The following SKAP1 variants were observed in gnomAD, a reference collection of about 807,000 sequenced individuals.
SKAP1 encodes the protein src kinase-associated phosphoprotein 1.
In SKAP1, 44 loss-of-function variants were observed where a neutral mutation model predicts 58.5. That is an observed-to-expected ratio of 0.75 (90% CI 0.59 to 0.97). The LOEUF is 0.97. Among genes scored for constraint, SKAP1 ranks in the 50% least tolerant of loss-of-function variants. The probability of loss-of-function intolerance (pLI) is 0.00; values close to 1 mark genes in which losing one functional copy is unlikely to be tolerated. For synonymous variants in SKAP1, 127 were observed against 149.7 expected (o/e 0.85, Z 1.11); for missense variants, 390 against 435.2 (o/e 0.90, Z 0.92).
upstream of SKAP1, among the ~76,000 whole-genome samples, chr17:48,431,229 G>C (rs529027030): frequency 6.6e-6 from 1 of 152,292 alleles, no homozygotes; most frequent in East Asian, 1.9e-4. Flanking sequence ...AGGATCACTT[G>C]AGCCCAGGAA....
At chr17:48,396,065 G>A (rs2067414468) in intron 2 of SKAP1, among the ~76,000 whole-genome samples, 1 of 152,156 alleles carries the variant, frequency 6.6e-6, no homozygotes, top group Non-Finnish European at 1.5e-5. Context: ...TCAAGCAATA[G>A]GTGGTCAGAA....
chr17:48,391,874 T>C (rs1282976301), intron 2 of SKAP1, among the ~76,000 whole-genome samples: 1 of 151,820 alleles, frequency 6.6e-6, no homozygotes, highest in Non-Finnish European at 1.5e-5. Context: ...TGAGTAAATC[T>C]TGAAACTTGT....
intron 1 of SKAP1, among the ~76,000 whole-genome samples, chr17:48,403,138 A>C (rs2067522465): frequency 6.6e-6 from 1 of 151,618 alleles, no homozygotes; most frequent in Non-Finnish European, 1.5e-5. Flanking sequence ...CCAAGGTAGG[A>C]GAACTGCTTG....
chr17:48,232,890 CA>C (rs2065140370), intron 4 of SKAP1, among the ~76,000 whole-genome samples: 1 of 152,188 alleles, frequency 6.6e-6, no homozygotes, highest in Admixed American at 6.5e-5. Flanking sequence ...TACAGAACTT[CA>C]GCCTACAAAA....
At chr17:48,371,998 A>G (rs946896947) in intron 2 of SKAP1, among the ~76,000 whole-genome samples, 2 of 152,160 alleles carry the variant, frequency 1.3e-5, no homozygotes, top group African/African-American at 2.4e-5. Flanking sequence ...TTTGAGACAG[A>G]GTCTCACTCT....
At chr17:48,203,947 G>A (rs1488047441) in intron 4 of SKAP1, 4 of 152,136 alleles carry the variant, frequency 2.6e-5, no homozygotes, top group Non-Finnish European at 5.9e-5. Context: ...TTTATAAAAT[G>A]CTTTCGTGTA....
chr17:48,201,119 A>G (rs1217043580), intron 4 of SKAP1, among the ~76,000 whole-genome samples: 1 of 152,230 alleles, frequency 6.6e-6, no homozygotes, highest in East Asian at 1.9e-4. Context: ...TGCCAAGACA[A>G]CAAGGAGAAA....
chr17:48,227,229 C>T (rs977881788), intron 4 of SKAP1, among the ~76,000 whole-genome samples: 2 of 152,104 alleles, frequency 1.3e-5, no homozygotes, highest in Non-Finnish European at 2.9e-5. Context: ...TAAGAGTTTC[C>T]AGAAAGACTA....
At chr17:48,356,868 CA>C (rs1253682560) in intron 3 of SKAP1, among the ~76,000 whole-genome samples, 1 of 152,058 alleles carries the variant, frequency 6.6e-6, no homozygotes, top group African/African-American at 2.4e-5. Context: ...ATTCTATATA[CA>C]AATAAAAACA....
chr17:48,349,083 A>G (rs972476677), intron 3 of SKAP1, among the ~76,000 whole-genome samples: 1 of 152,260 alleles, frequency 6.6e-6, no homozygotes, highest in Admixed American at 6.5e-5. Context: ...CAAGGCTATA[A>G]TACCATATAA....
At chr17:48,358,454 G>C (rs2066902422) in intron 3 of SKAP1, among the ~76,000 whole-genome samples, 1 of 151,850 alleles carries the variant, frequency 6.6e-6, no homozygotes, top group Non-Finnish European at 1.5e-5. Flanking sequence ...TGACCATAAG[G>C]GACAAGAAGT....
At chr17:48,362,353 CACTA>C (rs1274073782) in intron 3 of SKAP1, among the ~76,000 whole-genome samples, 2 of 152,214 alleles carry the variant, frequency 1.3e-5, no homozygotes, top group Non-Finnish European at 2.9e-5. Context: ...ACATCTCTGA[CACTA>C]ACTCTTTATT....
intron 2 of SKAP1, among the ~76,000 whole-genome samples, chr17:48,368,684 G>A (rs1162683415): frequency 2.0e-5 from 3 of 152,150 alleles, no homozygotes; most frequent in African/African-American, 4.8e-5. Context: ...AGTACAGAAC[G>A]AGCAGAGAGA....
In SKAP1 at chr17:48,214,853, C is replaced by T. The variant is rs550775098; in HGVS notation, c.281-25353G>A. Among the ~76,000 whole-genome samples, 13 of 151,184 alleles carry T rather than the reference C, an allele frequency of 8.6e-5. No homozygotes were observed. In the East Asian group the frequency reaches 2.0e-3, roughly 23 times the overall value. On this transcript the variant is annotated intron_variant, in intron 4 of 12. Transcript: ENST00000336915. ...AGGAGAATTGCTTAAACCTGGGAGG[C>T]GGAGGTTGCAGTGAGCTGAGATTGC...
intron 11 of SKAP1, among the ~76,000 whole-genome samples, chr17:48,142,673 A>G (rs925813273): frequency 1.3e-5 from 2 of 152,220 alleles, no homozygotes; most frequent in Non-Finnish European, 2.9e-5. Flanking sequence ...TTATACAACA[A>G]TAAGAGTCTG....
At chr17:48,416,055 T>G (rs190358491) in intron 1 of SKAP1, among the ~76,000 whole-genome samples, 1 of 152,324 alleles carries the variant, frequency 6.6e-6, no homozygotes, top group East Asian at 1.9e-4. Flanking sequence ...CAAATCAGCC[T>G]AAAAACACGG....
At chr17:48,302,416 T>C (rs1013831401) in intron 4 of SKAP1, among the ~76,000 whole-genome samples, 11 of 152,204 alleles carry the variant, frequency 7.2e-5, no homozygotes, top group African/African-American at 2.7e-4. Context: ...ACTATGTTGC[T>C]CTTGCGTGTC....
chr17:48,383,246 C>A (rs1178028245), intron 2 of SKAP1, among the ~76,000 whole-genome samples: 1 of 152,132 alleles, frequency 6.6e-6, no homozygotes, highest in African/African-American at 2.4e-5. Context: ...TACTCAAGCA[C>A]CCTCACTTTG....
At chr17:48,430,995 T>C (rs558240253), upstream of SKAP1, among the ~76,000 whole-genome samples, 7 of 152,218 alleles carry the variant, frequency 4.6e-5, no homozygotes, top group Admixed American at 6.5e-5. Context: ...TGGGGGAAAC[T>C]GGGTAAAGGT....
Sources: gnomAD v4.1 joint callset for allele counts (sites outside exome capture counted in the v4.1 genomes callset) on GRCh38, gnomAD v4.1.1 for gene constraint, MANE v1.5 for transcripts, NCBI Gene and HGNC (gene_info 2026-07-23, HGNC 2026-07-21) for gene names.